The following KMT2C variants were observed in gnomAD, a reference collection of about 807,000 sequenced individuals.
KMT2C encodes histone-lysine N-methyltransferase 2C.
KMT2C carries 88 observed loss-of-function variants against 507.9 expected under a neutral mutation model. The ratio of observed to expected loss-of-function variants is 0.17; its 90% CI spans 0.15 to 0.21. The LOEUF is 0.21. KMT2C is among the 10% of genes least tolerant of loss of function. KMT2C has a pLI of 1.00. For synonymous variants in KMT2C, 2,049 were observed against 2,080.8 expected (o/e 0.98, Z 0.42); for missense variants, 4,954 against 5,957.8 (o/e 0.83, Z 5.55).
chr7:152,419,981 T>C (rs1349871329), intron 1 of KMT2C, among the ~76,000 whole-genome samples: 2 of 152,246 alleles, frequency 1.3e-5, no homozygotes, highest in African/African-American at 2.4e-5. Context: ...TCCTCTGAGA[T>C]AAGTTCTTCC....
At chr7:152,260,681 C>A (rs867594090) in intron 9 of KMT2C, among the ~76,000 whole-genome samples, 11 of 152,284 alleles carry the variant, frequency 7.2e-5, no homozygotes, top group Admixed American at 1.3e-4. Context: ...TTATACTGTG[C>A]CAAGTTCTTA....
intron 3 of KMT2C, among the ~76,000 whole-genome samples, chr7:152,323,453 C>A (rs1367139278): frequency 2.0e-5 from 3 of 151,622 alleles, no homozygotes; most frequent in Non-Finnish European, 4.4e-5. Context: ...GCCTGGGCAA[C>A]ACAGTAAGAC....
chr7:152,148,002 C>A lies in KMT2C; in HGVS notation c.13894+31G>T. On this transcript the variant is annotated intron_variant, in intron 52 of 58. Coordinates refer to ENST00000262189, the MANE Select transcript of KMT2C (RefSeq NM_170606.3). This position sits in a 1 kb window ranked among gnomAD's most constrained non-coding sequence, Gnocchi z 7.1. ...ATTAGCCTGACATCAGAGTAAGTAG[C>A]ACTGCACAGCATGTGAACGGCAGAC... is the stretch of plus-strand genomic sequence containing the variant. 6.5e-7 allele frequency: 1 copy of A among 1,531,500 alleles called. No homozygotes were observed. The highest frequency in any genetic ancestry group is 8.8e-7 in the Non-Finnish European group (1 of 1,138,062). The allele number at this position is 1,531,500 out of a possible 1,614,324, so 94.9% of individuals were successfully genotyped here. A position where few individuals can be genotyped will look rare whatever the true frequency, so the allele number is the denominator to read the frequency against.
chr7:152,343,883 C>CAAG (rs2097024993), intron 2 of KMT2C, among the ~76,000 whole-genome samples: 1 of 152,064 alleles, frequency 6.6e-6, no homozygotes, highest in Non-Finnish European at 1.5e-5. Context: ...ACCTACCTTG[C>CAAG]AAGAAATGTT....
At chr7:152,412,560 T>C (rs2097694918) in intron 1 of KMT2C, among the ~76,000 whole-genome samples, 1 of 152,176 alleles carries the variant, frequency 6.6e-6, no homozygotes, top group Non-Finnish European at 1.5e-5. Flanking sequence ...TAAACAATTC[T>C]ATTTTTCCTT....
chr7:152,313,289 C>T (rs1303536816), intron 4 of KMT2C, among the ~76,000 whole-genome samples: 1 of 151,544 alleles, frequency 6.6e-6, no homozygotes, highest in Non-Finnish European at 1.5e-5. Flanking sequence ...GTTGTTTTAG[C>T]ATACTGTTTT....
At chr7:152,256,338 T>A (rs561052956) in intron 9 of KMT2C, among the ~76,000 whole-genome samples, 6 of 149,852 alleles carry the variant, frequency 4.0e-5, no homozygotes, top group South Asian at 2.1e-4. Context: ...AAAAAAAAAA[T>A]AATAAAAACA....
At chr7:152,387,167 C>T (rs6958898) in intron 1 of KMT2C, among the ~76,000 whole-genome samples, 50,419 of 151,690 alleles carry the variant, frequency 0.33, 12,394 homozygotes, top group African/African-American at 0.7. Flanking sequence ...CCCTAATAAA[C>T]AGCCATGTAG....
intron 9 of KMT2C, among the ~76,000 whole-genome samples, chr7:152,254,301 A>T (rs760439838): frequency 1.3e-5 from 2 of 152,166 alleles, no homozygotes; most frequent in Non-Finnish European, 2.9e-5. Flanking sequence ...CCTTTATCTA[A>T]TGAGAAGGAG....
At chr7:152,255,212 G>T (rs1348787657) in intron 9 of KMT2C, among the ~76,000 whole-genome samples, 1 of 145,388 alleles carries the variant, frequency 6.9e-6, no homozygotes, top group African/African-American at 2.5e-5. Flanking sequence ...TGTAGCCCAG[G>T]CTGGAATACA....
chr7:152,179,177 C>A (rs1331603692), intron 37 of KMT2C, among the ~76,000 whole-genome samples: 1 of 152,154 alleles, frequency 6.6e-6, no homozygotes, highest in Non-Finnish European at 1.5e-5. Context: ...TGTATTTTTA[C>A]TAGAGGCAGG....
chr7:152,254,060 C>T (rs578177413), intron 9 of KMT2C, among the ~76,000 whole-genome samples: 29 of 152,140 alleles, frequency 1.9e-4, no homozygotes, highest in African/African-American at 6.5e-4. Context: ...GAGAAACTAC[C>T]AGGAACCATA....
At chr7:152,215,365 T>C (rs939134321) in intron 23 of KMT2C, among the ~76,000 whole-genome samples, 2 of 151,302 alleles carry the variant, frequency 1.3e-5, no homozygotes, top group East Asian at 1.9e-4. Flanking sequence ...TACAAAAAAA[T>C]TAGCCGGGCG....
At chr7:152,341,394 G>A (rs900297109) in intron 2 of KMT2C, among the ~76,000 whole-genome samples, 3 of 152,128 alleles carry the variant, frequency 2.0e-5, no homozygotes, top group Admixed American at 6.5e-5. Context: ...AAGACATATA[G>A]GTGTCTTTGC....
chr7:152,184,064 C>A (rs1272553119), intron 34 of KMT2C, among the ~76,000 whole-genome samples: 1 of 138,142 alleles, frequency 7.2e-6, no homozygotes, highest in Non-Finnish European at 1.5e-5. Flanking sequence ...AACTGTGAAG[C>A]TCCATCTCAA....
At chr7:152,323,837 GGA>G (rs755994844) in intron 3 of KMT2C, among the ~76,000 whole-genome samples, 12 of 145,820 alleles carry the variant, frequency 8.2e-5, no homozygotes, top group Non-Finnish European at 1.1e-4. Flanking sequence ...GGAAGAGTGG[GGA>G]GAGAGAGAGA....
Position 152,152,893 on chromosome 7 carries a change from T to C in KMT2C, c.12338A>G (p.Tyr4113Cys). 1 of 1,614,130 alleles carries C rather than the reference T, an allele frequency of 6.2e-7. No individual in the cohort carries two copies. Among genetic ancestry groups the C allele is most frequent in the Non-Finnish European group, 8.5e-7 (1 of 1,180,014 alleles). The stretch of plus-strand genomic sequence containing the variant: ...GACATCTGGAGCACTGCTAACCTCA[T>C]AGCTGTTAGGGATTCGGACGTGAAG... ...DLLHVRIPNSYEVSSAPDVPS... is the reference protein window; with the variant it reads ...DLLHVRIPNSCEVSSAPDVPS... Residue 4113 changes from tyrosine (Y) to cysteine (C), a missense_variant, in exon 49 of 59, where the codon TAT becomes TGT. Coordinates refer to ENST00000262189, the MANE Select transcript of KMT2C (RefSeq NM_170606.3).
chr7:152,173,883 A>C (rs556505825), intron 39 of KMT2C, among the ~76,000 whole-genome samples: 1 of 152,222 alleles, frequency 6.6e-6, no homozygotes, highest in Non-Finnish European at 1.5e-5. Context: ...CAATCTTCCA[A>C]ATCTTTTTAA....
intron 2 of KMT2C, among the ~76,000 whole-genome samples, chr7:152,339,063 C>T (rs1010104619): frequency 1.3e-5 from 2 of 152,146 alleles, no homozygotes; most frequent in African/African-American, 4.8e-5. Flanking sequence ...TACAAATATA[C>T]TGAACAAACT....
Sources: allele counts gnomAD v4.1 joint callset (sites outside exome capture counted in the v4.1 genomes callset), GRCh38; gene constraint gnomAD v4.1.1; non-coding constraint Gnocchi (gnomAD v3.1); transcripts MANE v1.5; gene names NCBI Gene and HGNC (gene_info 2026-07-23, HGNC 2026-07-21).